The following CACNA1D variants were observed in gnomAD, a reference collection of about 807,000 sequenced individuals.
The protein encoded by CACNA1D is voltage-dependent L-type calcium channel subunit alpha-1D.
Under a neutral mutation model 257.1 loss-of-function variants are expected in CACNA1D, and 55 were observed. The ratio of observed to expected loss-of-function variants is 0.21; its 90% CI spans 0.17 to 0.27. The LOEUF is 0.27. Among genes scored for constraint, CACNA1D ranks in the 10% least tolerant of loss-of-function variants. The pLI, the probability that CACNA1D is intolerant of heterozygous loss-of-function variation, is 1.00. For missense variants in CACNA1D, 1,876 were observed against 2,784.0 expected (o/e 0.67, Z 7.34); for synonymous variants, 980 against 1,014.9 (o/e 0.97, Z 0.65).
chr3:53,583,711 G>A (rs567977124), intron 3 of CACNA1D, among the ~76,000 whole-genome samples: 2 of 152,316 alleles, frequency 1.3e-5, no homozygotes, highest in South Asian at 4.1e-4. Flanking sequence ...CCAGCAGAGG[G>A]TAGGAACACT....
chr3:53,501,114 C>T (rs2090582375), intron 2 of CACNA1D, among the ~76,000 whole-genome samples: 1 of 152,122 alleles, frequency 6.6e-6, no homozygotes, highest in Non-Finnish European at 1.5e-5. Flanking sequence ...GGTGGCTTGG[C>T]CTGGCCCAGT....
intron 3 of CACNA1D, among the ~76,000 whole-genome samples, chr3:53,558,173 T>C (rs1311113917): frequency 6.6e-6 from 1 of 152,144 alleles, no homozygotes; most frequent in African/African-American, 2.4e-5. Flanking sequence ...TTTGCTAGCA[T>C]TTTGTTGATG....
chr3:53,617,987 C>T (rs879706301), intron 3 of CACNA1D, among the ~76,000 whole-genome samples: 3 of 152,192 alleles, frequency 2.0e-5, no homozygotes, highest in Non-Finnish European at 2.9e-5. Context: ...TCAGTCTCTG[C>T]TGAAGGAATG....
chr3:53,628,342 C>T (rs2093783435), intron 3 of CACNA1D, among the ~76,000 whole-genome samples: 1 of 152,202 alleles, frequency 6.6e-6, no homozygotes, highest in African/African-American at 2.4e-5. Flanking sequence ...CCATTGTAAG[C>T]TCCCCATCTT....
chr3:53,750,824 A>G (rs1274999358), intron 27 of CACNA1D, among the ~76,000 whole-genome samples: 1 of 152,136 alleles, frequency 6.6e-6, no homozygotes, highest in Non-Finnish European at 1.5e-5. Context: ...AAAGCAGGAG[A>G]GCGGGGGTAG....
chr3:53,730,636 C>T (rs2094981302), intron 16 of CACNA1D, 80 bp downstream of exon 16: 3 of 1,063,608 alleles, frequency 2.8e-6, no homozygotes, highest in Middle Eastern at 2.0e-4. Context: ...CCAGGCTTAC[C>T]CCCGCATCAC....
intron 3 of CACNA1D, among the ~76,000 whole-genome samples, chr3:53,511,196 C>T (rs1347320213): frequency 1.3e-5 from 2 of 152,076 alleles, no homozygotes; most frequent in African/African-American, 4.8e-5. Context: ...GGTTTGTGCC[C>T]TTCTTATTTC....
At chr3:53,645,845 GGTTGGGGAGACT>G (rs1281608355) in intron 3 of CACNA1D, among the ~76,000 whole-genome samples, 1 of 152,102 alleles carries the variant, frequency 6.6e-6, no homozygotes. Context: ...TGAGAAAGAG[GGTTGGGGAGACT>G]GTTTTAGAAA....
At chr3:53,730,669 C>G (rs1204595396) in intron 16 of CACNA1D, 113 bp downstream of exon 16, 1 of 811,362 alleles carries the variant, frequency 1.2e-6, no homozygotes, top group Non-Finnish European at 2.1e-6. Flanking sequence ...CCCCGGGTTG[C>G]TGCTTTGTGG....
At chr3:53,733,865 TAA>T (rs11432907) in intron 19 of CACNA1D, among the ~76,000 whole-genome samples, 1 of 146,024 alleles carries the variant, frequency 6.8e-6, no homozygotes, top group East Asian at 2.0e-4. Flanking sequence ...GGGTGTTCTT[TAA>T]AAAAAAAAGG....
At chr3:53,621,957 A>G (rs2093701288) in intron 3 of CACNA1D, among the ~76,000 whole-genome samples, 1 of 152,156 alleles carries the variant, frequency 6.6e-6, no homozygotes. Context: ...AGCTAATAAA[A>G]CTAATGTTGG....
At chr3:53,554,652 A>T (rs1019302734) in intron 3 of CACNA1D, among the ~76,000 whole-genome samples, 4 of 152,174 alleles carry the variant, frequency 2.6e-5, no homozygotes, top group Admixed American at 2.6e-4. Flanking sequence ...TAGGGATTAG[A>T]TTCTTCTTTG....
At chr3:53,538,399 C>A (rs964648243) in intron 3 of CACNA1D, among the ~76,000 whole-genome samples, 1 of 152,010 alleles carries the variant, frequency 6.6e-6, no homozygotes, top group Non-Finnish European at 1.5e-5. Flanking sequence ...TCAAGTGATC[C>A]GTCCCCATCG....
chr3:53,581,910 C>T (rs533243371), intron 3 of CACNA1D, among the ~76,000 whole-genome samples: 31 of 152,336 alleles, frequency 2.0e-4, no homozygotes, highest in South Asian at 1.0e-3. Context: ...ATCAGGATAG[C>T]ATCTGGGTAT....
chr3:53,716,766 A>G (rs1381330480), intron 9 of CACNA1D, among the ~76,000 whole-genome samples: 1 of 152,150 alleles, frequency 6.6e-6, no homozygotes, highest in African/African-American at 2.4e-5. Context: ...GTTCCTGGGC[A>G]TGGCGTGGAG....
chr3:53,576,474 A>G (rs924204767), intron 3 of CACNA1D, among the ~76,000 whole-genome samples: 1 of 152,224 alleles, frequency 6.6e-6, no homozygotes, highest in Non-Finnish European at 1.5e-5. Context: ...ATGTTTTCCC[A>G]TAAGAACACA....
intron 29 of CACNA1D, among the ~76,000 whole-genome samples, chr3:53,757,115 T>G (rs1406259513): frequency 1.3e-5 from 2 of 152,226 alleles, no homozygotes; most frequent in Non-Finnish European, 2.9e-5. Flanking sequence ...TCATCTGCCT[T>G]CAAGGGCTCT....
chr3:53,741,812 G>A (rs749316655), intron 21 of CACNA1D, among the ~76,000 whole-genome samples: 8 of 152,156 alleles, frequency 5.3e-5, no homozygotes, highest in African/African-American at 1.9e-4. Context: ...TAGTCTGTTA[G>A]CCTGGTTAAT....
At chr3:53,566,991 C>T (rs1021899747) in intron 3 of CACNA1D, among the ~76,000 whole-genome samples, 1 of 152,320 alleles carries the variant, frequency 6.6e-6, no homozygotes, top group East Asian at 1.9e-4. Context: ...GTCATCCTCC[C>T]CAAGGGGAGC....
Sources: gnomAD v4.1 joint callset for allele counts (sites outside exome capture counted in the v4.1 genomes callset) on GRCh38, gnomAD v4.1.1 for gene constraint, MANE v1.5 for transcripts, NCBI Gene and HGNC (gene_info 2026-07-23, HGNC 2026-07-21) for gene names.